ADAM18: variants seen among roughly 807,000 people sequenced by gnomAD.
ADAM18 encodes the protein disintegrin and metalloproteinase domain-containing protein 18.
A neutral mutation model predicts 94.4 loss-of-function variants in ADAM18; 117 were observed. The observed-to-expected ratio is 1.24, with a 90% CI of 1.07 to 1.45. ADAM18 has a LOEUF of 1.45. Among genes scored for constraint, ADAM18 ranks in the 40% most tolerant of loss-of-function variants. ADAM18 has a pLI of 0.00. For synonymous variants in ADAM18, 327 were observed against 291.6 expected, an observed-to-expected ratio of 1.12 and a Z score of -1.24; for missense variants, 936 against 880.0, an observed-to-expected ratio of 1.06 and a Z score of -0.81.
At chr8:39,709,686 C>G (rs1036726861) in intron 18 of ADAM18, among the ~76,000 whole-genome samples, 5 of 152,100 alleles carry the variant, frequency 3.3e-5, no homozygotes, top group African/African-American at 1.2e-4. Context: ...TTTATAAAGT[C>G]CACCCAGGCA....
chr8:39,709,011 C>A (rs1179332438), intron 18 of ADAM18, among the ~76,000 whole-genome samples: 1 of 152,210 alleles, frequency 6.6e-6, no homozygotes, highest in Non-Finnish European at 1.5e-5. Context: ...GGGCCCTCTT[C>A]CTTTTCATGT....
chr8:39,641,149 A>G (rs923135116), intron 10 of ADAM18, among the ~76,000 whole-genome samples: 6 of 152,026 alleles, frequency 3.9e-5, no homozygotes, highest in African/African-American at 1.2e-4. Flanking sequence ...GGGGTTTTAC[A>G]TTTAAGTCTT....
At chr8:39,641,185 G>T (rs1366148180) in intron 10 of ADAM18, among the ~76,000 whole-genome samples, 3 of 151,972 alleles carry the variant, frequency 2.0e-5, no homozygotes, top group Admixed American at 2.0e-4. Context: ...TTTGTATATG[G>T]TGTAAGGAAG....
intron 19 of ADAM18, among the ~76,000 whole-genome samples, chr8:39,724,225 A>G (rs561587061): frequency 6.6e-6 from 1 of 151,784 alleles, no homozygotes; most frequent in African/African-American, 2.4e-5. Context: ...TGTTGGTTTT[A>G]CTTACCATTT....
At chr8:39,637,751 A>T in intron 9 of ADAM18, 48 bp downstream of exon 9, 1 of 1,432,234 alleles carries the variant, frequency 7.0e-7, no homozygotes. Context: ...TAATTATTTT[A>T]AATTGGTAAT....
Position 39,603,312 on chromosome 8 carries a change from G to C in ADAM18, c.133-2995G>C, listed in dbSNP as rs942480499. Among the ~76,000 whole-genome samples the C allele has an allele frequency of 2.6e-5, 4 of 152,162 alleles. No homozygotes were observed. The East Asian group carries it at 7.7e-4, about 29-fold the overall frequency. On this transcript the variant is annotated intron_variant, in intron 2 of 19. Transcript: ENST00000265707. ...TAGATAAGGTAATTTCTCCAAACTT[G>C]GTTCTTTCTTCTCAAAATTTTGGTG...
chr8:39,652,857 GA>G (rs1162433184), intron 12 of ADAM18, among the ~76,000 whole-genome samples: 2 of 152,034 alleles, frequency 1.3e-5, no homozygotes, highest in Non-Finnish European at 2.9e-5. Context: ...TTTTTTAAAA[GA>G]AAAAATTCCT....
At chr8:39,707,739 A>G (rs1166546392) in intron 18 of ADAM18, among the ~76,000 whole-genome samples, 2 of 152,156 alleles carry the variant, frequency 1.3e-5, no homozygotes, top group African/African-American at 4.8e-5. Context: ...TAAAATATTT[A>G]TAATTATACA....
At chr8:39,613,372 A>G (rs1819338360) in intron 6 of ADAM18, among the ~76,000 whole-genome samples, 1 of 152,190 alleles carries the variant, frequency 6.6e-6, no homozygotes, top group Non-Finnish European at 1.5e-5. Flanking sequence ...GTACTAAACC[A>G]AGTATGAGCC....
intron 7 of ADAM18, among the ~76,000 whole-genome samples, chr8:39,631,178 A>G (rs554785778): frequency 6.6e-6 from 1 of 151,960 alleles, no homozygotes; most frequent in Non-Finnish European, 1.5e-5. Context: ...TCATTTAATG[A>G]TGTCTTTTGA....
chr8:39,595,586 T>A (rs923708328), intron 2 of ADAM18, among the ~76,000 whole-genome samples: 3 of 152,204 alleles, frequency 2.0e-5, no homozygotes, highest in African/African-American at 7.2e-5. Flanking sequence ...AGTGGCATGA[T>A]CTCAGCTCAC....
chr8:39,683,198 C>T (rs949146232), intron 16 of ADAM18, among the ~76,000 whole-genome samples: 1 of 152,132 alleles, frequency 6.6e-6, no homozygotes, highest in East Asian at 1.9e-4. Context: ...TGAATATGGC[C>T]TCCATCCAAA....
chr8:39,657,767 ATATAT>A (rs1820727868), intron 12 of ADAM18, among the ~76,000 whole-genome samples: 1 of 152,362 alleles, frequency 6.6e-6, no homozygotes, highest in Middle Eastern at 3.4e-3. Flanking sequence ...CTAAAAAGTA[ATATAT>A]TGGAAATTGT....
intron 12 of ADAM18, among the ~76,000 whole-genome samples, chr8:39,650,655 G>T (rs1344819466): frequency 1.3e-5 from 2 of 152,168 alleles, no homozygotes; most frequent in Admixed American, 1.3e-4. Flanking sequence ...TTAATGGAAA[G>T]ATAAACCATG....
chr8:39,611,720 C>T (rs1819276191), intron 6 of ADAM18: 1 of 555,542 alleles, frequency 1.8e-6, no homozygotes, highest in African/African-American at 2.1e-5. Flanking sequence ...AATCATTATC[C>T]AACATGTGGA....
At chr8:39,719,563 C>T (rs1484409989) in intron 18 of ADAM18, among the ~76,000 whole-genome samples, 3 of 151,246 alleles carry the variant, frequency 2.0e-5, no homozygotes, top group African/African-American at 7.3e-5. Flanking sequence ...AAATATATAC[C>T]TGATAAAGTA....
At chr8:39,640,274 T>C (rs1820201018) in intron 10 of ADAM18, among the ~76,000 whole-genome samples, 1 of 152,124 alleles carries the variant, frequency 6.6e-6, no homozygotes, top group African/African-American at 2.4e-5. Flanking sequence ...AGTGAGAATA[T>C]GTGGTATTTG....
At chr8:39,601,085 G>T (rs1818888207) in intron 2 of ADAM18, among the ~76,000 whole-genome samples, 1 of 152,162 alleles carries the variant, frequency 6.6e-6, no homozygotes, top group Non-Finnish European at 1.5e-5. Context: ...GGAAGAGAGA[G>T]GAGGAGGAGA....
At chr8:39,638,358 A>C in intron 9 of ADAM18, 107 bp from the exon 10 acceptor site, 4 of 622,126 alleles carry the variant, frequency 6.4e-6, no homozygotes, top group Non-Finnish European at 1.1e-5. Flanking sequence ...AGCTTTATAT[A>C]TTTGCAAAGT....
Sources: allele counts gnomAD v4.1 joint callset (sites outside exome capture counted in the v4.1 genomes callset), GRCh38; gene constraint gnomAD v4.1.1; transcripts MANE v1.5; gene names NCBI Gene and HGNC (gene_info 2026-07-23, HGNC 2026-07-21).